Variants in INPP5A observed in about 807,000 individuals in gnomAD.
INPP5A encodes inositol polyphosphate-5-phosphatase A.
A neutral mutation model predicts 65.2 loss-of-function variants in INPP5A; 14 were observed. That is an observed-to-expected ratio of 0.21 (90% CI 0.14 to 0.34). The LOEUF (loss-of-function observed/expected upper bound fraction) is 0.34. Among genes scored for constraint, INPP5A ranks in the 10% least tolerant of loss-of-function variants. INPP5A has a pLI of 1.00. For missense variants in INPP5A, 431 were observed against 545.6 expected, an observed-to-expected ratio of 0.79 and a Z score of 2.09; for synonymous variants, 207 against 208.3, an observed-to-expected ratio of 0.99 and a Z score of 0.05.
At chr10:132,768,317 G>C (rs183209274) in intron 12 of INPP5A, among the ~76,000 whole-genome samples, 1,853 of 141,600 alleles carry the variant, frequency 0.013, 20 homozygotes, top group Non-Finnish European at 0.021. Flanking sequence ...GGGTGCCCAC[G>C]CGCCCAGTTG....
At chr10:132,540,602 G>A (rs2133238374) in intron 1 of INPP5A, among the ~76,000 whole-genome samples, 1 of 152,384 alleles carries the variant, frequency 6.6e-6, no homozygotes, top group African/African-American at 2.4e-5. Flanking sequence ...GGTTTGGGGT[G>A]TGGTACTTGT....
rs2070961854 is a variant in INPP5A, at chr10:132,545,795, C to A, written c.75+7624C>A. ...GGTCTGGTTGGTGCTGCCATGGGCT[C>A]AGATCTGGCGTTTTCCAAGCTCCCC... On this transcript the variant is annotated intron_variant, in intron 1 of 15. Coordinates refer to ENST00000368594, the MANE Select transcript of INPP5A (RefSeq NM_005539.5). This position sits in a 1 kb window ranked among gnomAD's most constrained non-coding sequence, Gnocchi z 4.6. Among the ~76,000 whole-genome samples, 1 of 152,196 alleles carries A rather than the reference C, an allele frequency of 6.6e-6. No individual in the cohort carries two copies. Among genetic ancestry groups the A allele is most frequent in the Non-Finnish European group, 1.5e-5 (1 of 68,032 alleles).
In INPP5A at chr10:132,637,587, T is replaced by G. The variant is rs1293724342; in HGVS notation, c.118-8281T>G. 6.6e-6 allele frequency among the ~76,000 whole-genome samples: 1 copy of G among 152,198 alleles called. No homozygotes were observed. Among genetic ancestry groups the G allele is most frequent in the Non-Finnish European group, 1.5e-5 (1 of 68,034 alleles). On this transcript the variant is annotated intron_variant, in intron 2 of 15. Transcript: ENST00000368594. The surrounding 1 kb of genome is among the most constrained non-coding windows in gnomAD (Gnocchi z 4.1). The stretch of plus-strand genomic sequence containing the variant: ...GCGATTTTGCTTTCTCAGTGGATTT[T>G]TCTGGTTTTGATGCCCATGTTGGGG...
chr10:132,741,750 C>T lies in INPP5A; in HGVS notation c.733-7767C>T, dbSNP rs11146495. Among the ~76,000 whole-genome samples, 1 of 37,858 alleles carries T rather than the reference C, an allele frequency of 2.6e-5. No homozygotes were observed. Among genetic ancestry groups the T allele is most frequent in the Non-Finnish European group, 6.9e-5 (1 of 14,480 alleles). 24.8% of individuals were successfully genotyped at this position (37,858 alleles called of 152,430 possible). ...TCCGCTTGCTTTACTCAATAGCCGACGTAAACTGAGGTGGACGTCAGTGTC... is the reference window on the plus strand; with the variant it reads ...TCCGCTTGCTTTACTCAATAGCCGATGTAAACTGAGGTGGACGTCAGTGTC... On this transcript the variant is annotated intron_variant, in intron 9 of 15. Coordinates refer to ENST00000368594, the MANE Select transcript of INPP5A (RefSeq NM_005539.5). This position sits in a 1 kb window ranked among gnomAD's most constrained non-coding sequence, Gnocchi z 4.4.
rs188205512 is a variant in INPP5A, at chr10:132,603,582, T to C, written c.76-4333T>C. Among the ~76,000 whole-genome samples, 426 of 152,346 alleles carry C rather than the reference T, an allele frequency of 2.8e-3. 2 individuals are homozygous for C. Among genetic ancestry groups the C allele is most frequent in the African/African-American group, 9.8e-3 (407 of 41,588 alleles). On this transcript the variant is annotated intron_variant, in intron 1 of 15. Transcript: ENST00000368594. The surrounding 1 kb of genome is among the most constrained non-coding windows in gnomAD (Gnocchi z 4.2). Reference sequence around the variant, plus strand: ...TGGTGCAAGAGATAAAGCTCTACAATTCCTCTAAGGATAAGAAAACTTTTC... The same window carrying C: ...TGGTGCAAGAGATAAAGCTCTACAACTCCTCTAAGGATAAGAAAACTTTTC...
chr10:132,612,695 G>T lies in INPP5A; in HGVS notation c.117+4739G>T, dbSNP rs11813436. Among the ~76,000 whole-genome samples, 396 of 152,324 alleles carry T rather than the reference G, an allele frequency of 2.6e-3. 1 individual carries two copies. Among genetic ancestry groups the T allele is most frequent in the African/African-American group, 9.0e-3 (374 of 41,558 alleles). On this transcript the variant is annotated intron_variant, in intron 2 of 15. Coordinates refer to ENST00000368594, the MANE Select transcript of INPP5A (RefSeq NM_005539.5). ...TTGCCTGGCCGTGTGCGTGGCCCTC[G>T]GCTGTGAGGGGCTGGGCTGTGGCTG... is the stretch of plus-strand genomic sequence containing the variant.
chr10:132,645,098 C>A (rs2072475843), intron 2 of INPP5A, among the ~76,000 whole-genome samples: 1 of 152,236 alleles, frequency 6.6e-6, no homozygotes, highest in Admixed American at 6.5e-5. Flanking sequence ...ATTTGTTGCA[C>A]TGCTCTTTAG....
chr10:132,724,650 A>G (rs944599301), intron 8 of INPP5A, among the ~76,000 whole-genome samples: 7 of 151,232 alleles, frequency 4.6e-5, no homozygotes, highest in Non-Finnish European at 1.0e-4. Flanking sequence ...CTCATTCTCC[A>G]GAACTCACAG....
chr10:132,712,435 G>T (rs111297323), intron 8 of INPP5A, among the ~76,000 whole-genome samples: 3,960 of 151,772 alleles, frequency 0.026, 161 homozygotes, highest in African/African-American at 0.09. Flanking sequence ...GTGTGCACGC[G>T]TGTGTGGGTG....
rs958009445 is a variant in INPP5A, at chr10:132,697,261, G to T, written c.371-555G>T. On this transcript the variant is annotated intron_variant, in intron 5 of 15. Coordinates refer to ENST00000368594, the MANE Select transcript of INPP5A (RefSeq NM_005539.5). The surrounding 1 kb of genome is among the most constrained non-coding windows in gnomAD (Gnocchi z 5.6). Reference sequence around the variant, plus strand: ...CTGGTTGTGAACAATAGTGAGACGGGCCCTGCCCATGGCGAGGCCTGTGTC... The same window carrying T: ...CTGGTTGTGAACAATAGTGAGACGGTCCCTGCCCATGGCGAGGCCTGTGTC... 6.6e-6 allele frequency among the ~76,000 whole-genome samples: 1 copy of T among 152,248 alleles called. No homozygotes were observed. Among genetic ancestry groups the T allele is most frequent in the Non-Finnish European group, 1.5e-5 (1 of 68,038 alleles).
At chr10:132,744,673 T>C (rs1415203817) in intron 9 of INPP5A, among the ~76,000 whole-genome samples, 1 of 152,128 alleles carries the variant, frequency 6.6e-6, no homozygotes, top group East Asian at 1.9e-4. Flanking sequence ...GGCTTTGTGG[T>C]TCGTTTTTAT....
chr10:132,572,674 G>A (rs2071360300), intron 1 of INPP5A, among the ~76,000 whole-genome samples: 1 of 152,200 alleles, frequency 6.6e-6, no homozygotes, highest in Non-Finnish European at 1.5e-5. Flanking sequence ...GGGCTAGTGT[G>A]CTTGTTCTGG....
intron 4 of INPP5A, among the ~76,000 whole-genome samples, chr10:132,685,043 C>T (rs976252593): frequency 6.6e-6 from 1 of 152,120 alleles, no homozygotes; most frequent in Non-Finnish European, 1.5e-5. Context: ...TCTTTCTGCT[C>T]CTAGATTTAT....
chr10:132,561,063 T>G (rs2071198348), intron 1 of INPP5A, among the ~76,000 whole-genome samples: 1 of 151,026 alleles, frequency 6.6e-6, no homozygotes, highest in African/African-American at 2.4e-5. Flanking sequence ...TTTTTTTTTT[T>G]TTTTTTTTGA....
intron 2 of INPP5A, among the ~76,000 whole-genome samples, chr10:132,643,771 C>T (rs1464479509): frequency 1.3e-5 from 2 of 152,172 alleles, no homozygotes; most frequent in Non-Finnish European, 2.9e-5. Flanking sequence ...GGTTCCTGTG[C>T]CCAGCCCTGC....
In INPP5A at chr10:132,762,721, C is replaced by T. The variant is rs1231092515; in HGVS notation, c.904-3052C>T. Among the ~76,000 whole-genome samples the T allele has an allele frequency of 6.6e-6, 1 of 152,112 alleles. No individual in the cohort carries two copies. Among genetic ancestry groups the T allele is most frequent in the African/African-American group, 2.4e-5 (1 of 41,420 alleles). On this transcript the variant is annotated intron_variant, in intron 11 of 15. Transcript: ENST00000368594. This position sits in a 1 kb window ranked among gnomAD's most constrained non-coding sequence, Gnocchi z 4.6. ...TGCATGGCGGTAATATAGAAACATA[C>T]TTGGGGCTGGGCACGGTAGAACACT...
intron 2 of INPP5A, among the ~76,000 whole-genome samples, chr10:132,641,695 TCTG>T: frequency 6.6e-6 from 1 of 152,348 alleles, no homozygotes. Flanking sequence ...AATAGCATCA[TCTG>T]CTGCCATTCA....
chr10:132,578,159 A>G (rs2071432074), intron 1 of INPP5A, among the ~76,000 whole-genome samples: 1 of 152,218 alleles, frequency 6.6e-6, no homozygotes, highest in African/African-American at 2.4e-5. Flanking sequence ...CTCTACAGAA[A>G]GTGTTGCAGA....
intron 11 of INPP5A, among the ~76,000 whole-genome samples, chr10:132,755,343 CGT>C (rs550151499): frequency 5.0e-3 from 716 of 143,416 alleles, no homozygotes; most frequent in Middle Eastern, 0.013. Context: ...GCTGTGTGAG[CGT>C]GTGTGTGAGC....
Sources: allele counts gnomAD v4.1 joint callset (sites outside exome capture counted in the v4.1 genomes callset), GRCh38; gene constraint gnomAD v4.1.1; non-coding constraint Gnocchi (gnomAD v3.1); transcripts MANE v1.5; gene names NCBI Gene and HGNC (gene_info 2026-07-23, HGNC 2026-07-21).